Variants in ATF7 observed in about 807,000 individuals in gnomAD.
The protein encoded by ATF7 is activating transcription factor 7.
ATF7 carries 10 observed loss-of-function variants against 50.4 expected under a neutral mutation model. The ratio of observed to expected loss-of-function variants is 0.20; its 90% confidence interval spans 0.12 to 0.34. The LOEUF (loss-of-function observed/expected upper bound fraction) is 0.34. Ranked by LOEUF, ATF7 falls within the 10% of genes least tolerant of loss-of-function variation. The pLI is 1.00. For synonymous variants in ATF7, 201 were observed against 226.4 expected, an observed-to-expected ratio of 0.89 and a Z score of 1.01; for missense variants, 465 against 613.9, an observed-to-expected ratio of 0.76 and a Z score of 2.56.
chr12:53,559,208 AT>A (rs1383716805), intron 2 of ATF7, among the ~76,000 whole-genome samples: 1 of 150,282 alleles, frequency 6.7e-6, no homozygotes, highest in East Asian at 2.0e-4. Context: ...AAGTCTTAAG[AT>A]TTTTTTACTT....
At chr12:53,612,594 C>G (rs991330888) in intron 1 of ATF7, among the ~76,000 whole-genome samples, 1 of 151,936 alleles carries the variant, frequency 6.6e-6, no homozygotes, top group Non-Finnish European at 1.5e-5. Flanking sequence ...AAGGTTGGTG[C>G]TCTAAGACTA....
chr12:53,559,225 TTTTTCTTTTTTC>T (rs1262953426), intron 2 of ATF7, among the ~76,000 whole-genome samples: 2 of 120,242 alleles, frequency 1.7e-5, no homozygotes, highest in Admixed American at 8.8e-5. Context: ...TACTTTTTTC[TTTTTCTTTTTTC>T]TTTTTTTTAG....
chr12:53,565,663 T>G (rs1164952602), intron 2 of ATF7, among the ~76,000 whole-genome samples: 1 of 151,980 alleles, frequency 6.6e-6, no homozygotes, highest in Non-Finnish European at 1.5e-5. Flanking sequence ...CGGATAATTT[T>G]TATAGTTTTA....
At chr12:53,592,919 C>T (rs1475082163) in intron 2 of ATF7, among the ~76,000 whole-genome samples, 2 of 152,086 alleles carry the variant, frequency 1.3e-5, no homozygotes, top group African/African-American at 4.8e-5. Context: ...ATAATATTGG[C>T]AAACACTATA....
chr12:53,530,070 CAAAT>C (rs1247843471), intron 9 of ATF7, among the ~76,000 whole-genome samples: 5 of 152,052 alleles, frequency 3.3e-5, no homozygotes, highest in Non-Finnish European at 7.4e-5. Context: ...TAAAAATAAA[CAAAT>C]AAAACTAAAA....
intron 1 of ATF7, among the ~76,000 whole-genome samples, chr12:53,621,528 T>C (rs1042610041): frequency 2.0e-5 from 3 of 152,076 alleles, no homozygotes; most frequent in African/African-American, 7.2e-5. Flanking sequence ...ACGCCTGTAA[T>C]CCTAGCACTT....
At chr12:53,545,129 GAACTT>G (rs1565938637) in intron 3 of ATF7, among the ~76,000 whole-genome samples, 1 of 151,888 alleles carries the variant, frequency 6.6e-6, no homozygotes, top group African/African-American at 2.4e-5. Flanking sequence ...AGGTTCAAAC[GAACTT>G]CTCCTGCACC....
At chr12:53,563,546 G>T (rs7298336) in intron 2 of ATF7, among the ~76,000 whole-genome samples, 14,111 of 152,268 alleles carry the variant, frequency 0.093, 850 homozygotes, top group Non-Finnish European at 0.14. Context: ...TTGAACTGGA[G>T]GCAGAGGTTG....
chr12:53,524,793 A>C lies in ATF7; in HGVS notation c.928-32T>G. ...CCCAGGAAGGAAGAGAGGTTACTTG[A>C]TGGGAACATTAATCCTTTCCAAATC... On this transcript the variant is annotated intron_variant, in intron 9 of 11. Coordinates refer to ENST00000420353, the MANE Select transcript of ATF7 (RefSeq NM_006856.3). The surrounding 1 kb of genome is among the most constrained non-coding windows in gnomAD (Gnocchi z 4.6). The C allele has an allele frequency of 6.5e-7, 1 of 1,527,856 alleles. No homozygotes were observed. The highest frequency in any genetic ancestry group is 8.8e-7 in the Non-Finnish European group (1 of 1,132,504). 94.6% of individuals were successfully genotyped at this position (1,527,856 alleles called of 1,614,324 possible).
intron 2 of ATF7, among the ~76,000 whole-genome samples, chr12:53,577,734 AAG>A (rs1309227248): frequency 4.7e-5 from 7 of 150,232 alleles, no homozygotes; most frequent in South Asian, 2.1e-4. Flanking sequence ...AAAAAAAAGA[AAG>A]AAAGAAAGAA....
intron 5 of ATF7, among the ~76,000 whole-genome samples, chr12:53,535,328 C>CAAAAAAAAAAAAAAAAAAAAAA (rs397938442): frequency 1.5e-3 from 99 of 64,810 alleles, no homozygotes; most frequent in East Asian, 5.3e-3. Flanking sequence ...GACTCTGCCT[C>CAAAAAAAAAAAAAAAAAAAAAA]AAAAAAAAAA....
chr12:53,616,397 A>T (rs1248575221), intron 1 of ATF7, among the ~76,000 whole-genome samples: 3 of 151,804 alleles, frequency 2.0e-5, no homozygotes, highest in Admixed American at 6.6e-5. Flanking sequence ...TAATTTTAAA[A>T]TTTTTTGTAG....
At chr12:53,536,212 T>C (rs181727816) in intron 5 of ATF7, among the ~76,000 whole-genome samples, 176 of 152,240 alleles carry the variant, frequency 1.2e-3, no homozygotes, top group South Asian at 2.3e-3. Context: ...CTTTTGTGTA[T>C]GACTTTTTTG....
intron 2 of ATF7, chr12:53,575,678 T>C (rs1942027360): frequency 1.3e-5 from 2 of 154,040 alleles, no homozygotes; most frequent in Admixed American, 1.3e-4. Flanking sequence ...CACCAGAATA[T>C]ACATGCAGGA....
At chr12:53,577,989 A>G (rs1388737766) in intron 2 of ATF7, among the ~76,000 whole-genome samples, 1 of 152,156 alleles carries the variant, frequency 6.6e-6, no homozygotes, top group Admixed American at 6.6e-5. Flanking sequence ...CAGAGGAGCA[A>G]AAACAAGAAT....
At chr12:53,586,876 T>C (rs1942708025) in intron 2 of ATF7, among the ~76,000 whole-genome samples, 1 of 152,106 alleles carries the variant, frequency 6.6e-6, no homozygotes, top group African/African-American at 2.4e-5. Context: ...AATAAACAAA[T>C]GAGATCTTTG....
chr12:53,564,832 T>A (rs1941356337), intron 2 of ATF7, among the ~76,000 whole-genome samples: 2 of 152,218 alleles, frequency 1.3e-5, no homozygotes, highest in Non-Finnish European at 2.9e-5. Context: ...GCTTTCAACA[T>A]GGCCCAACAT....
chr12:53,547,099 C>T lies in ATF7; in HGVS notation c.146-3651G>A, dbSNP rs557671952. ...TCCCGGGTTCATGCCATTCTCCTGC[C>T]TCAGCCTCCCGAGTAGCTGGGACTA... On this transcript the variant is annotated intron_variant, in intron 3 of 11. Transcript: ENST00000420353. Among the ~76,000 whole-genome samples the T allele has an allele frequency of 2.7e-5, 4 of 150,940 alleles. No individual in the cohort carries two copies. The South Asian group carries it at 8.4e-4, about 32-fold the overall frequency.
chr12:53,509,586 CCCTCTG>C (rs1944091163), downstream of ATF7, among the ~76,000 whole-genome samples: 1 of 151,032 alleles, frequency 6.6e-6, no homozygotes, highest in South Asian at 2.1e-4. Context: ...TCACCGCAAC[CCCTCTG>C]CCTCCCGGGT....
Sources: allele counts gnomAD v4.1 joint callset (sites outside exome capture counted in the v4.1 genomes callset), GRCh38; gene constraint gnomAD v4.1.1; non-coding constraint Gnocchi (gnomAD v3.1); transcripts MANE v1.5; gene names NCBI Gene and HGNC (gene_info 2026-07-23, HGNC 2026-07-21).